KLHL18: variants seen among roughly 807,000 people sequenced by gnomAD.
KLHL18 encodes the protein kelch-like protein 18.
KLHL18 carries 38 observed loss-of-function variants against 58.5 expected under a neutral mutation model. That is an observed-to-expected ratio of 0.65 (90% CI 0.50 to 0.85). The LOEUF (loss-of-function observed/expected upper bound fraction) is 0.85. Ranked by LOEUF, KLHL18 falls within the 40% of genes least tolerant of loss-of-function variation. The probability of loss-of-function intolerance (pLI) is 0.00; values close to 1 mark genes in which losing one functional copy is unlikely to be tolerated. For synonymous variants in KLHL18, 303 were observed against 301.9 expected (o/e 1.00, Z -0.04); for missense variants, 624 against 778.4 (o/e 0.80, Z 2.36).
chr3:47,329,795 C>T (rs1368477816), intron 3 of KLHL18, among the ~76,000 whole-genome samples, 156 bp from the exon 4 acceptor site: 4 of 152,168 alleles, frequency 2.6e-5, no homozygotes, highest in African/African-American at 7.2e-5. Flanking sequence ...TAATTTTATA[C>T]CTTTAGAAGT....
At chr3:47,315,503 G>A (rs138659913) in intron 1 of KLHL18, among the ~76,000 whole-genome samples, 2,201 of 152,316 alleles carry the variant, frequency 0.014, 25 homozygotes, top group Non-Finnish European at 0.021. Context: ...CTTAGACCCA[G>A]TTTCCAGAAT....
intron 1 of KLHL18, among the ~76,000 whole-genome samples, chr3:47,310,865 T>C (rs1442432560): frequency 6.6e-6 from 1 of 152,188 alleles, no homozygotes; most frequent in Non-Finnish European, 1.5e-5. Context: ...CAGGCCGAGC[T>C]CAGCTCTTCT....
intron 1 of KLHL18, among the ~76,000 whole-genome samples, chr3:47,315,338 C>G (rs1244708496): frequency 1.3e-5 from 2 of 152,190 alleles, no homozygotes; most frequent in Non-Finnish European, 2.9e-5. Flanking sequence ...CTCCCCCACT[C>G]TCTCAGGAGA....
intron 1 of KLHL18, among the ~76,000 whole-genome samples, chr3:47,316,520 CAT>C (rs1204812122): frequency 7.4e-4 from 5 of 6,768 alleles, no homozygotes; most frequent in African/African-American, 1.4e-3. Context: ...TACATATATA[CAT>C]ATATATGTAT....
chr3:47,319,509 T>G (rs1703533730), intron 1 of KLHL18, 144 bp from the exon 2 acceptor site: 5 of 738,950 alleles, frequency 6.8e-6, no homozygotes, highest in Admixed American at 2.7e-5. Context: ...TTGGCCTCCA[T>G]GCCCTGGGAT....
At chr3:47,296,690 T>C (rs1428660954) in intron 1 of KLHL18, among the ~76,000 whole-genome samples, 2 of 152,166 alleles carry the variant, frequency 1.3e-5, no homozygotes, top group Non-Finnish European at 2.9e-5. Context: ...AATAGGACTT[T>C]GACAGACAGG....
At chr3:47,331,733 C>T (rs551911867) in intron 4 of KLHL18, among the ~76,000 whole-genome samples, 42 of 150,084 alleles carry the variant, frequency 2.8e-4, no homozygotes, top group Non-Finnish European at 5.0e-4. Flanking sequence ...GCGCCAGGCC[C>T]GACCTTTTTT....
At chr3:47,332,582 C>T (rs1490192599) in intron 4 of KLHL18, among the ~76,000 whole-genome samples, 1 of 111,714 alleles carries the variant, frequency 9.0e-6, no homozygotes, top group Non-Finnish European at 1.6e-5. Context: ...AGCTCTTAAA[C>T]TAATTAATAT....
At chr3:47,310,782 C>T (rs1703279884) in intron 1 of KLHL18, among the ~76,000 whole-genome samples, 1 of 152,214 alleles carries the variant, frequency 6.6e-6, no homozygotes, top group African/African-American at 2.4e-5. Context: ...ACTCAGTCAC[C>T]AGGTCACAGC....
chr3:47,324,294 C>CCTTTTTTTTTTTT (rs1703657860), intron 3 of KLHL18, among the ~76,000 whole-genome samples: 1 of 10,606 alleles, frequency 9.4e-5, no homozygotes, highest in Non-Finnish European at 2.8e-4. Context: ...CTTTTTCTTT[C>CCTTTTTTTTTTTT]TTTCTTTTTT....
intron 1 of KLHL18, among the ~76,000 whole-genome samples, chr3:47,291,767 C>T (rs1482483307): frequency 6.6e-6 from 1 of 152,152 alleles, no homozygotes; most frequent in Non-Finnish European, 1.5e-5. Context: ...TGAAGCATTT[C>T]TTGTTAAAGA....
In KLHL18 at chr3:47,340,638, C is replaced by A. The variant is rs769187110; in HGVS notation, c.1188C>A (p.Ser396=). Residue 396 remains serine (S), a synonymous_variant, in exon 8 of 10, where the codon TCC becomes TCA. Coordinates refer to ENST00000232766, the MANE Select transcript of KLHL18 (RefSeq NM_025010.5). ...YVCGGYDGNS[S]LSSVETYSPE... ...GTGGGGGCTACGATGGCAACTCTTC[C>A]CTCAGCTCCGTGGAGACCTACTCAC... is the stretch of plus-strand genomic sequence containing the variant. The A allele has an allele frequency of 6.2e-7, 1 of 1,613,992 alleles. No individual in the cohort carries two copies. The highest frequency in any genetic ancestry group is 8.5e-7 in the Non-Finnish European group (1 of 1,179,980).
chr3:47,295,710 G>C (rs1702881107), intron 1 of KLHL18, among the ~76,000 whole-genome samples: 1 of 151,696 alleles, frequency 6.6e-6, no homozygotes, highest in Non-Finnish European at 1.5e-5. Context: ...TGGAACTACA[G>C]GTGTGTTGCC....
intron 2 of KLHL18, 68 bp from the exon 3 acceptor site, chr3:47,322,500 G>A: frequency 2.1e-6 from 3 of 1,458,602 alleles, no homozygotes; most frequent in Non-Finnish European, 2.7e-6. Flanking sequence ...GTTCAGTTAG[G>A]GCCTGAGTCT....
chr3:47,329,193 T>C lies in KLHL18; in HGVS notation c.402-758T>C, dbSNP rs568960122. On this transcript the variant is annotated intron_variant, in intron 3 of 9. Transcript: ENST00000232766. ...GTTCCCATACTAAAGAAGCCATCTG[T>C]CCGTGTTGTGTTTTTTTTGTTGTTG... Among the ~76,000 whole-genome samples the C allele has an allele frequency of 3.4e-5, 4 of 117,356 alleles. No individual in the cohort carries two copies. The South Asian group carries it at 1.2e-3, about 35-fold the overall frequency. The allele number at this position is 117,356 out of a possible 152,430, so 77.0% of individuals were successfully genotyped here. A position where few individuals can be genotyped will look rare whatever the true frequency, so the allele number is the denominator to read the frequency against.
At chr3:47,329,714 G>C (rs1703809651) in intron 3 of KLHL18, among the ~76,000 whole-genome samples, 1 of 152,184 alleles carries the variant, frequency 6.6e-6, no homozygotes, top group Non-Finnish European at 1.5e-5. Flanking sequence ...ACTACCCAGA[G>C]AGCTCATTCC....
intron 1 of KLHL18, among the ~76,000 whole-genome samples, chr3:47,295,747 AT>A (rs537889639): frequency 2.4e-3 from 354 of 145,686 alleles, no homozygotes; most frequent in African/African-American, 7.8e-3. Flanking sequence ...TTAAAAAAAA[AT>A]TTTTTTTTTT....
At chr3:47,340,518 G>A (rs566119593) in intron 7 of KLHL18, 54 bp from the exon 8 acceptor site, 1 of 1,612,010 alleles carries the variant, frequency 6.2e-7, no homozygotes, top group East Asian at 2.2e-5. Context: ...GGGCAAGAGA[G>A]GCTGCTCCAG....
intron 1 of KLHL18, among the ~76,000 whole-genome samples, chr3:47,309,700 C>G (rs931492028): frequency 1.3e-5 from 2 of 152,236 alleles, no homozygotes; most frequent in Admixed American, 6.5e-5. Flanking sequence ...TGCACTCCAG[C>G]CTGGGCAACA....
Sources: gnomAD v4.1 joint callset for allele counts (sites outside exome capture counted in the v4.1 genomes callset) on GRCh38, gnomAD v4.1.1 for gene constraint, MANE v1.5 for transcripts, NCBI Gene and HGNC (gene_info 2026-07-23, HGNC 2026-07-21) for gene names.